Variants in BDKRB2 observed in about 807,000 individuals in gnomAD.
The protein encoded by BDKRB2 is bradykinin receptor B2, also known as B2 bradykinin receptor.
A neutral mutation model predicts 4.0 loss-of-function variants in BDKRB2; 6 were observed. That is an observed-to-expected ratio of 1.49 (90% CI 0.81 to 2.93). BDKRB2 has a LOEUF of 2.93. Among genes scored for constraint, BDKRB2 ranks in the 30% most tolerant of loss-of-function variants. BDKRB2 has a pLI of 0.00. For synonymous variants in BDKRB2, 225 were observed against 215.3 expected (o/e 1.05, Z -0.40); for missense variants, 478 against 520.1 (o/e 0.92, Z 0.79).
In BDKRB2 at chr14:96,226,654, C is replaced by CA. The variant is rs11366380; in HGVS notation, c.-39-10401dup. Among the ~76,000 whole-genome samples, 6 of 146,748 alleles carry CA rather than the reference C, an allele frequency of 4.1e-5. No homozygotes were observed. The South Asian group carries it at 8.6e-4, about 21-fold the overall frequency. ...GGGCAACAAAAGTGAGACTTGGTCT[C>CA]AAAAAAAAAAAAAATTACAAAGTGG... On this transcript the variant is annotated intron_variant, in intron 1 of 2. Transcript: ENST00000554311.
chr14:96,206,157 C>G (rs927339066), intron 1 of BDKRB2, among the ~76,000 whole-genome samples: 1 of 152,218 alleles, frequency 6.6e-6, no homozygotes, highest in Non-Finnish European at 1.5e-5. Context: ...CAGCAAGAGA[C>G]ATTCCACAGT....
rs199655832 is a variant in BDKRB2 at position 96,241,481 on chromosome 14, G to C, written c.1153G>C (p.Asp385His). The C allele has an allele frequency of 1.2e-4, 185 of 1,558,378 alleles. No individual in the cohort carries two copies. Among genetic ancestry groups the C allele is most frequent in the Non-Finnish European group, 1.4e-4 (167 of 1,159,122 alleles). The part of the protein sequence containing the change: ...SVERQIHKLQ[D>H]WAGSRQ ...GGAACGCCAGATTCACAAACTGCAG[G>C]ACTGGGCAGGGAGCAGACAGTGAGC... The change falls in exon 3 of 3, where the codon GAC becomes CAC. Residue 385 changes from aspartate to histidine, a missense_variant. Coordinates refer to ENST00000554311, the MANE Select transcript of BDKRB2 (RefSeq NM_001379692.1).
At chr14:96,217,907 G>A (rs539522481) in intron 1 of BDKRB2, among the ~76,000 whole-genome samples, 6 of 152,166 alleles carry the variant, frequency 3.9e-5, no homozygotes, top group African/African-American at 7.2e-5. Context: ...CAATCAACCC[G>A]GCTCTTTCTC....
intron 1 of BDKRB2, among the ~76,000 whole-genome samples, chr14:96,223,943 C>T (rs541619869): frequency 8.4e-4 from 128 of 152,138 alleles, no homozygotes; most frequent in Middle Eastern, 3.4e-3. Context: ...AAGAAAGTAG[C>T]GTGAAATTCA....
At chr14:96,209,997 A>AAATAAT (rs59871160) in intron 1 of BDKRB2, among the ~76,000 whole-genome samples, 38,734 of 143,852 alleles carry the variant, frequency 0.27, 5,810 homozygotes, top group Non-Finnish European at 0.36. Flanking sequence ...CTCTATCTCA[A>AAATAAT]AATAATAATA....
Position 96,234,746 on chromosome 14 carries a change from G to A in BDKRB2, c.-39-2323G>A, listed in dbSNP as rs140921517. Among the ~76,000 whole-genome samples the A allele has an allele frequency of 2.2e-3, 337 of 152,324 alleles. 4 individuals are homozygous for A. The highest frequency in any genetic ancestry group is 7.7e-3 in the African/African-American group (322 of 41,566). ...TTTACAGCCACTAGCAAGCAATTAG[G>A]ATCCAGCTGGGCTGATGTGGCCAGA... On this transcript the variant is annotated intron_variant, in intron 1 of 2. Coordinates refer to ENST00000554311, the MANE Select transcript of BDKRB2 (RefSeq NM_001379692.1).
chr14:96,228,182 C>T (rs1432900907), intron 1 of BDKRB2, among the ~76,000 whole-genome samples: 1 of 152,236 alleles, frequency 6.6e-6, no homozygotes, highest in South Asian at 2.1e-4. Flanking sequence ...TGAGGGGAAG[C>T]ATGCAAGCAA....
Position 96,242,724 on chromosome 14 carries a change from G to A in BDKRB2, c.*1220G>A, listed in dbSNP as rs1885326448. ...ATATTTCTAATCGGTCTTGCCCAGAGGATCACAGTGCTGAGACCCCCCACC... is the reference window on the plus strand; with the variant it reads ...ATATTTCTAATCGGTCTTGCCCAGAAGATCACAGTGCTGAGACCCCCCACC... On this transcript the variant is annotated 3_prime_UTR_variant, in exon 3 of 3. Coordinates refer to ENST00000554311, the MANE Select transcript of BDKRB2 (RefSeq NM_001379692.1). 1 of 152,378 alleles carries A rather than the reference G, an allele frequency of 6.6e-6. No individual in the cohort carries two copies. The highest frequency in any genetic ancestry group is 6.5e-5 in the Admixed American group (1 of 15,288). 9.4% of individuals were successfully genotyped at this position (152,378 alleles called of 1,614,324 possible).
chr14:96,211,990 G>A (rs114496364), intron 1 of BDKRB2, among the ~76,000 whole-genome samples: 1,866 of 152,232 alleles, frequency 0.012, 37 homozygotes, highest in African/African-American at 0.042. Flanking sequence ...CCTTATACAT[G>A]GATATGTGCA....
chr14:96,223,023 G>A (rs1890609945), intron 1 of BDKRB2: 2 of 682,066 alleles, frequency 2.9e-6, no homozygotes, highest in East Asian at 5.4e-5. Context: ...AGAAAAGACA[G>A]TAAGAAATAG....
intron 2 of BDKRB2, chr14:96,240,077 C>T (rs1885231970): frequency 1.9e-6 from 2 of 1,067,996 alleles, no homozygotes. Flanking sequence ...TGTGAATCCT[C>T]CCATCACGGA....
At chr14:96,239,370 C>T (rs1885205968) in intron 2 of BDKRB2, 4 of 985,266 alleles carry the variant, frequency 4.1e-6, no homozygotes, top group Admixed American at 1.2e-4. Context: ...TGCCCAAGAC[C>T]ACACAGCTAG....
chr14:96,237,980 G>A (rs1890977330), intron 2 of BDKRB2: 1 of 1,183,250 alleles, frequency 8.5e-7, no homozygotes. Context: ...GCAGGAAATG[G>A]GTTTTCTGTA....
In BDKRB2 at chr14:96,243,943, A is replaced by G; in HGVS notation, c.*2439A>G. On this transcript the variant is annotated 3_prime_UTR_variant, in exon 3 of 3. Transcript: ENST00000554311. ...TCTCTTAGGAGCAGAGCTCTGCCGC[A>G]ATGGCCATGTGGGGATCCACACCTG... The G allele has an allele frequency of 2.7e-6, 1 of 372,402 alleles. No individual in the cohort carries two copies. Among genetic ancestry groups the G allele is most frequent in the East Asian group, 3.9e-5 (1 of 25,946 alleles). 23.1% of individuals were successfully genotyped at this position (372,402 alleles called of 1,614,324 possible).
chr14:96,213,955 C>T (rs1890360553), intron 1 of BDKRB2, among the ~76,000 whole-genome samples: 1 of 152,188 alleles, frequency 6.6e-6, no homozygotes, highest in Non-Finnish European at 1.5e-5. Flanking sequence ...GGTGGGAACT[C>T]CCAAAGATGC....
intron 1 of BDKRB2, among the ~76,000 whole-genome samples, chr14:96,231,574 A>G (rs140852290): frequency 1.1e-3 from 171 of 152,256 alleles, no homozygotes; most frequent in African/African-American, 4.0e-3. Context: ...CTCAGTAACC[A>G]CGTCAATCAG....
In BDKRB2 at chr14:96,240,939, A is replaced by G. The variant is rs1885272260; in HGVS notation, c.611A>G (p.Glu204Gly). The G allele has an allele frequency of 1.3e-6, 2 of 1,594,652 alleles. No individual in the cohort carries two copies. Among genetic ancestry groups the G allele is most frequent in the Non-Finnish European group, 1.7e-6 (2 of 1,170,012 alleles). ...CGGACCATGAAGGAGTACAGCGATG[A>G]GGGCCACAACGTCACCGCTTGTGTC... ...VFRTMKEYSDEGHNVTACVIS... is the reference protein window; with the variant it reads ...VFRTMKEYSDGGHNVTACVIS... The change falls in exon 3 of 3, where the codon GAG becomes GGG. Residue 204 changes from glutamate to glycine, a missense_variant. Transcript: ENST00000554311.
At chr14:96,233,956 ACCTGT>A (rs1890876022) in intron 1 of BDKRB2, 1 of 152,180 alleles carries the variant, frequency 6.6e-6, no homozygotes, top group Non-Finnish European at 1.5e-5. Flanking sequence ...CAGAGTCATC[ACCTGT>A]CCCCAGCTCT....
In BDKRB2 at chr14:96,241,694, G is replaced by T; in HGVS notation, c.*190G>T. On this transcript the variant is annotated 3_prime_UTR_variant, in exon 3 of 3. Transcript: ENST00000554311. ...CAGGGAGCATGGCTGTGAGGATGGGGTGAACTCACGCACAGCCAAGGACTC... is the reference window on the plus strand; with the variant it reads ...CAGGGAGCATGGCTGTGAGGATGGGTTGAACTCACGCACAGCCAAGGACTC... 1.1e-6 allele frequency: 1 copy of T among 923,860 alleles called. No homozygotes were observed. The highest frequency in any genetic ancestry group is 2.7e-5 in the South Asian group (1 of 37,006). The allele number at this position is 923,860 out of a possible 1,614,324, so 57.2% of individuals were successfully genotyped here.
Sources: gnomAD v4.1 joint callset for allele counts (sites outside exome capture counted in the v4.1 genomes callset) on GRCh38, gnomAD v4.1.1 for gene constraint, MANE v1.5 for transcripts, NCBI Gene and HGNC (gene_info 2026-07-23, HGNC 2026-07-21) for gene names.